The following ATP6V1C1 variants were observed in gnomAD, a reference collection of about 807,000 sequenced individuals.
The protein encoded by ATP6V1C1 is V-type proton ATPase subunit C 1.
A neutral mutation model predicts 53.9 loss-of-function variants in ATP6V1C1; 45 were observed. The observed-to-expected ratio is 0.83, with a 90% CI of 0.66 to 1.07. The LOEUF (loss-of-function observed/expected upper bound fraction) is 1.07. Among genes scored for constraint, ATP6V1C1 ranks in the 50% least tolerant of loss-of-function variants. The pLI, the probability that ATP6V1C1 is intolerant of heterozygous loss-of-function variation, is 0.00. For synonymous variants in ATP6V1C1, 153 were observed against 155.2 expected (o/e 0.99, Z 0.11); for missense variants, 315 against 440.3 (o/e 0.72, Z 2.55).
chr8:103,043,919 C>T (rs13276934), intron 3 of ATP6V1C1, among the ~76,000 whole-genome samples: 188 of 152,204 alleles, frequency 1.2e-3, no homozygotes, highest in Middle Eastern at 3.4e-3. Flanking sequence ...GACAGAGTCT[C>T]GCTCTGTTGC....
chr8:103,058,696 C>A (rs1186108075), intron 8 of ATP6V1C1, among the ~76,000 whole-genome samples: 3 of 152,172 alleles, frequency 2.0e-5, no homozygotes, highest in African/African-American at 7.2e-5. Flanking sequence ...AAAATATTCA[C>A]TTTAATATTC....
chr8:103,039,900 G>T (rs2131388164), intron 1 of ATP6V1C1, among the ~76,000 whole-genome samples: 1 of 151,790 alleles, frequency 6.6e-6, no homozygotes, highest in South Asian at 2.1e-4. Context: ...AGATTGGCAA[G>T]ATTTTTTTTT....
chr8:103,053,700 C>T (rs1817239927), intron 6 of ATP6V1C1, among the ~76,000 whole-genome samples, 184 bp from the exon 7 acceptor site: 1 of 151,990 alleles, frequency 6.6e-6, no homozygotes, highest in South Asian at 2.1e-4. Context: ...GAAGATATTT[C>T]GTTGGTTGCA....
chr8:103,032,114 GAGAAAATATGTAAAT>G (rs1414856673), intron 1 of ATP6V1C1, among the ~76,000 whole-genome samples: 11 of 152,234 alleles, frequency 7.2e-5, no homozygotes, highest in Admixed American at 3.3e-4. Flanking sequence ...CACAGAATGA[GAGAAAATATGTAAAT>G]ATGTATATAT....
At position 103,040,900 on chromosome 8, in the gene ATP6V1C1, T is replaced by C. The variant is rs961677964; in HGVS notation, c.64T>C (p.Leu22=). The change falls in exon 2 of 13, where the codon TTG becomes CTG. Residue 22 remains leucine, a synonymous_variant. Transcript: ENST00000518738. The part of the protein sequence containing the change: ...EKTCQQTWEK[L]HAATSKNNNL... ...AACCTGTCAGCAAACATGGGAGAAA[T>C]TGCATGCGGCAACTTCAAAGAACAA... 3.4e-5 allele frequency: 55 copies of C among 1,613,986 alleles called. No individual in the cohort carries two copies. The highest frequency in any genetic ancestry group is 4.7e-5 in the Non-Finnish European group (55 of 1,179,998).
At chr8:103,052,661 A>T (rs913070441) in intron 5 of ATP6V1C1, 70 bp from the exon 6 acceptor site, 1 of 777,264 alleles carries the variant, frequency 1.3e-6, no homozygotes, top group East Asian at 3.0e-5. Context: ...AAGTTTAGCT[A>T]CTTTGATAGT....
intron 11 of ATP6V1C1, 48 bp downstream of exon 11, chr8:103,064,859 C>T: frequency 6.5e-7 from 1 of 1,532,804 alleles, no homozygotes; most frequent in Non-Finnish European, 9.0e-7. Flanking sequence ...TTCATAGATT[C>T]CTTACATTGG....
intron 8 of ATP6V1C1, among the ~76,000 whole-genome samples, chr8:103,057,299 G>C (rs1817304567): frequency 6.6e-6 from 1 of 152,186 alleles, no homozygotes; most frequent in South Asian, 2.1e-4. Context: ...GCCAACCAGA[G>C]GCTGAAGTGA....
chr8:103,024,710 A>G (rs1218172427), intron 1 of ATP6V1C1, among the ~76,000 whole-genome samples: 1 of 152,240 alleles, frequency 6.6e-6, no homozygotes, highest in Non-Finnish European at 1.5e-5. Context: ...AAACATTAGC[A>G]TAGTGCCCTT....
intron 1 of ATP6V1C1, among the ~76,000 whole-genome samples, chr8:103,028,119 G>A (rs186186966): frequency 1.1e-3 from 167 of 152,330 alleles, no homozygotes; most frequent in Non-Finnish European, 2.1e-3. Context: ...TGTGGGAGAA[G>A]TAGTGGGATT....
intron 8 of ATP6V1C1, among the ~76,000 whole-genome samples, chr8:103,057,405 C>T (rs887770640): frequency 1.4e-4 from 22 of 152,202 alleles, no homozygotes; most frequent in African/African-American, 3.4e-4. Flanking sequence ...TACTTCTATG[C>T]GAATGAAGAC....
intron 12 of ATP6V1C1, among the ~76,000 whole-genome samples, chr8:103,068,160 A>AT (rs1338902015): frequency 6.6e-6 from 1 of 152,016 alleles, no homozygotes; most frequent in African/African-American, 2.4e-5. Flanking sequence ...TTTTATTTTT[A>AT]TTTTTTGTAG....
chr8:103,037,734 C>T (rs1387546035), intron 1 of ATP6V1C1, among the ~76,000 whole-genome samples: 1 of 152,088 alleles, frequency 6.6e-6, no homozygotes, highest in Non-Finnish European at 1.5e-5. Context: ...TTCAGATATA[C>T]AGAAAAATGT....
At chr8:103,032,632 C>T (rs575526397) in intron 1 of ATP6V1C1, among the ~76,000 whole-genome samples, 12 of 152,148 alleles carry the variant, frequency 7.9e-5, no homozygotes, top group Non-Finnish European at 1.0e-4. Context: ...CCTGCACCAC[C>T]GCACCTGGCT....
intron 1 of ATP6V1C1, chr8:103,021,483 T>G (rs1816586563): frequency 6.6e-6 from 1 of 152,310 alleles, no homozygotes; most frequent in Non-Finnish European, 1.5e-5. Flanking sequence ...AAAGGAGAGA[T>G]ACAGCGGTCT....
chr8:103,042,285 G>C, intron 2 of ATP6V1C1, 55 bp from the exon 3 acceptor site: 7 of 1,132,594 alleles, frequency 6.2e-6, no homozygotes, highest in Non-Finnish European at 7.4e-6. Context: ...GAATCATCTT[G>C]TTTTTTTTTT....
chr8:103,036,493 C>T (rs1816901515), intron 1 of ATP6V1C1, among the ~76,000 whole-genome samples: 1 of 152,078 alleles, frequency 6.6e-6, no homozygotes, highest in Non-Finnish European at 1.5e-5. Flanking sequence ...TTGAGACCAA[C>T]CTGAACAACA....
chr8:103,054,498 A>C lies in ATP6V1C1; in HGVS notation c.572+516A>C, dbSNP rs559472113. The stretch of plus-strand genomic sequence containing the variant: ...TGTGGCAACTTTGTGGTTATAGCTG[A>C]AGTAGCCATAGATGATATGTGAACG... On this transcript the variant is annotated intron_variant, in intron 7 of 12. Transcript: ENST00000518738. Among the ~76,000 whole-genome samples the C allele has an allele frequency of 3.3e-5, 5 of 152,248 alleles. No homozygotes were observed. The East Asian group carries it at 9.6e-4, about 29-fold the overall frequency.
chr8:103,050,625 A>G (rs1269693904), intron 4 of ATP6V1C1, among the ~76,000 whole-genome samples: 1 of 152,200 alleles, frequency 6.6e-6, no homozygotes, highest in Non-Finnish European at 1.5e-5. Flanking sequence ...ACTCCTGGAA[A>G]CAATCATCAC....
Sources: gnomAD v4.1 joint callset for allele counts (sites outside exome capture counted in the v4.1 genomes callset) on GRCh38, gnomAD v4.1.1 for gene constraint, MANE v1.5 for transcripts, NCBI Gene and HGNC (gene_info 2026-07-23, HGNC 2026-07-21) for gene names.